The following PRMT3 variants were observed in gnomAD, a reference collection of about 807,000 sequenced individuals.
PRMT3 encodes the protein protein arginine N-methyltransferase 3.
A neutral mutation model predicts 71.9 loss-of-function variants in PRMT3; 62 were observed. That is an observed-to-expected ratio of 0.86 (90% CI 0.70 to 1.07). The LOEUF is 1.07. Among genes scored for constraint, PRMT3 ranks in the 50% least tolerant of loss-of-function variants. The pLI, the probability that PRMT3 is intolerant of heterozygous loss-of-function variation, is 0.00. For synonymous variants in PRMT3, 213 were observed against 220.4 expected (o/e 0.97, Z 0.30); for missense variants, 663 against 643.0 (o/e 1.03, Z -0.34).
At chr11:20,506,866 A>T (rs1038148894) in intron 15 of PRMT3, among the ~76,000 whole-genome samples, 1 of 152,226 alleles carries the variant, frequency 6.6e-6, no homozygotes, top group Admixed American at 6.5e-5. Flanking sequence ...ATTAAATGAG[A>T]AGTATTTATA....
At chr11:20,478,181 T>G (rs1328696879) in intron 13 of PRMT3, among the ~76,000 whole-genome samples, 1 of 152,232 alleles carries the variant, frequency 6.6e-6, no homozygotes, top group Non-Finnish European at 1.5e-5. Context: ...GTCAGTCTAG[T>G]GTTTTCTTTT....
chr11:20,426,808 G>C lies in PRMT3; in HGVS notation c.936G>C (p.Lys312Asn), dbSNP rs1849556203. Residue 312 changes from lysine to asparagine, a missense_variant, in exon 10 of 16, where the codon AAG becomes AAC. Physicochemically the swap from Lys to Asn is moderately conservative, Grantham distance 94. Coordinates refer to ENST00000331079, the MANE Select transcript of PRMT3 (RefSeq NM_005788.4). ...LEDTITLIKG[K>N]IEEVHLPVEK... Reference sequence around the variant, plus strand: ...ATACTATTACACTAATTAAAGGAAAGATTGAAGAAGTTCATCTTCCTGTAG... The same window carrying C: ...ATACTATTACACTAATTAAAGGAAACATTGAAGAAGTTCATCTTCCTGTAG... 6.6e-7 allele frequency: 1 copy of C among 1,523,752 alleles called. No homozygotes were observed. Among genetic ancestry groups the C allele is most frequent in the Non-Finnish European group, 8.7e-7 (1 of 1,147,542 alleles). 94.4% of individuals were successfully genotyped at this position (1,523,752 alleles called of 1,614,324 possible).
chr11:20,411,003 G>A (rs1478133868), intron 9 of PRMT3, among the ~76,000 whole-genome samples: 1 of 151,970 alleles, frequency 6.6e-6, no homozygotes, highest in Admixed American at 6.6e-5. Flanking sequence ...ATACTTACAG[G>A]ATTCGATACA....
At chr11:20,483,554 CAAA>C (rs10583759) in intron 13 of PRMT3, among the ~76,000 whole-genome samples, 104,858 of 135,814 alleles carry the variant, frequency 0.77, 40,677 homozygotes, top group Non-Finnish European at 0.87. Context: ...CAGAGATTGC[CAAA>C]AAAAAAAAAA....
chr11:20,488,411 T>A (rs75713069), intron 13 of PRMT3, among the ~76,000 whole-genome samples: 2 of 152,164 alleles, frequency 1.3e-5, no homozygotes, highest in Non-Finnish European at 2.9e-5. Flanking sequence ...ATCAGTTGGC[T>A]TTTGCATTCC....
At chr11:20,465,451 GATT>G in intron 13 of PRMT3, among the ~76,000 whole-genome samples, 1 of 151,952 alleles carries the variant, frequency 6.6e-6, no homozygotes, top group African/African-American at 2.4e-5. Context: ...CTGTAAAATA[GATT>G]ATAAGTCATG....
chr11:20,411,775 A>G (rs984660719), intron 9 of PRMT3, among the ~76,000 whole-genome samples: 2 of 152,174 alleles, frequency 1.3e-5, no homozygotes, highest in Non-Finnish European at 2.9e-5. Context: ...TGCAAAAAAT[A>G]ATCACATTTT....
At chr11:20,440,455 C>T (rs755805576) in intron 10 of PRMT3, among the ~76,000 whole-genome samples, 2 of 130,776 alleles carry the variant, frequency 1.5e-5, no homozygotes, top group Non-Finnish European at 3.1e-5. Flanking sequence ...ACCATCCTGG[C>T]TAACACGGTG....
At chr11:20,417,865 G>A (rs1208418471) in intron 9 of PRMT3, among the ~76,000 whole-genome samples, 2 of 152,054 alleles carry the variant, frequency 1.3e-5, no homozygotes, top group African/African-American at 4.8e-5. Context: ...TGTGTATGCT[G>A]TGTCCTTTCC....
Position 20,402,943 on chromosome 11 carries a change from C to A in PRMT3, c.730C>A (p.Arg244=). The A allele has an allele frequency of 6.2e-7, 1 of 1,608,822 alleles. No individual in the cohort carries two copies. Among genetic ancestry groups the A allele is most frequent in the Non-Finnish European group, 8.5e-7 (1 of 1,175,436 alleles). Residue 244 remains arginine, a synonymous_variant, in exon 8 of 16, where the codon CGA becomes AGA. Coordinates refer to ENST00000331079, the MANE Select transcript of PRMT3 (RefSeq NM_005788.4). The stretch of plus-strand genomic sequence containing the variant: ...GGACAAAATACGAACAGAAAGCTAC[C>A]GAGATTTCATATACCAAAATCCACA... ...LKDKIRTESY[R]DFIYQNPHIF...
chr11:20,409,654 AACACACACACACACACACACAC>A (rs60686099), intron 9 of PRMT3, among the ~76,000 whole-genome samples: 2 of 144,332 alleles, frequency 1.4e-5, no homozygotes, highest in Admixed American at 1.4e-4. Context: ...GGAATACACA[AACACACACACACACACACACAC>A]ACACACACAC....
At chr11:20,463,445 A>G (rs1204552965) in intron 12 of PRMT3, among the ~76,000 whole-genome samples, 4 of 152,174 alleles carry the variant, frequency 2.6e-5, no homozygotes, top group African/African-American at 9.6e-5. Context: ...GAGCAGAAAG[A>G]GGAGAGTTGG....
chr11:20,438,510 C>T (rs1216189623), intron 10 of PRMT3, among the ~76,000 whole-genome samples: 1 of 152,108 alleles, frequency 6.6e-6, no homozygotes, highest in Non-Finnish European at 1.5e-5. Context: ...AGTCTAGCTT[C>T]AGGCAAGCAG....
chr11:20,434,130 A>G (rs1849714443), intron 10 of PRMT3, among the ~76,000 whole-genome samples: 1 of 152,148 alleles, frequency 6.6e-6, no homozygotes, highest in African/African-American at 2.4e-5. Context: ...ATGATCAGTG[A>G]TATTGAGCTT....
chr11:20,504,749 A>AGAGAGAGAGAGAGAGAGAGAGC (rs1851549845), intron 15 of PRMT3, among the ~76,000 whole-genome samples: 2 of 150,912 alleles, frequency 1.3e-5, no homozygotes, highest in African/African-American at 4.9e-5. Flanking sequence ...AGAGAGAGCG[A>AGAGAGAGAGAGAGAGAGAGAGC]GAGCGACTGA....
chr11:20,488,361 G>A (rs1851128360), intron 13 of PRMT3, among the ~76,000 whole-genome samples: 1 of 151,972 alleles, frequency 6.6e-6, no homozygotes, highest in African/African-American at 2.4e-5. Context: ...TCATTTTTAT[G>A]GCATTGTCTG....
At chr11:20,448,367 T>A (rs1366324155) in intron 10 of PRMT3, among the ~76,000 whole-genome samples, 1 of 152,172 alleles carries the variant, frequency 6.6e-6, no homozygotes, top group Admixed American at 6.6e-5. Context: ...CAGTGAATGT[T>A]ACAGAATTTG....
At chr11:20,484,433 A>AATCTC (rs56231313) in intron 13 of PRMT3, among the ~76,000 whole-genome samples, 147,956 of 152,112 alleles carry the variant, frequency 0.97, 72,280 homozygotes, top group Middle Eastern at 1. Context: ...TCCTCACCCA[A>AATCTC]ATCTTGAATT....
At chr11:20,459,998 A>G (rs1201075761) in intron 11 of PRMT3, among the ~76,000 whole-genome samples, 1 of 152,148 alleles carries the variant, frequency 6.6e-6, no homozygotes, top group African/African-American at 2.4e-5. Context: ...CCTATCAGGG[A>G]AGACTTGAGA....
Sources: gnomAD v4.1 joint callset for allele counts (sites outside exome capture counted in the v4.1 genomes callset) on GRCh38, gnomAD v4.1.1 for gene constraint, MANE v1.5 for transcripts, NCBI Gene and HGNC (gene_info 2026-07-23, HGNC 2026-07-21) for gene names.